Variants in FBXO4 observed in about 807,000 individuals in gnomAD.
FBXO4 encodes F-box protein 4, also known as F-box only protein 4.
Under a neutral mutation model 43.7 loss-of-function variants are expected in FBXO4, and 36 were observed. That is an observed-to-expected ratio of 0.82 (90% confidence interval 0.63 to 1.09). FBXO4 has a LOEUF of 1.09. Among genes scored for constraint, FBXO4 ranks in the 50% least tolerant of loss-of-function variants. The pLI is 0.00. For missense variants in FBXO4, 435 were observed against 474.1 expected, an observed-to-expected ratio of 0.92 and a Z score of 0.77; for synonymous variants, 180 against 165.6, an observed-to-expected ratio of 1.09 and a Z score of -0.67.
At chr5:41,976,450 T>C in the FBXO4 span, among the ~76,000 whole-genome samples, 2 of 152,200 alleles carry the variant, frequency 1.3e-5, no homozygotes, top group Non-Finnish European at 2.9e-5. Flanking sequence ...GATGGTATTA[T>C]AGGCATTGGG....
At chr5:41,965,000 G>T in the FBXO4 span, among the ~76,000 whole-genome samples, 1 of 152,036 alleles carries the variant, frequency 6.6e-6, no homozygotes, top group African/African-American at 2.4e-5. Context: ...TTTCTTCTAG[G>T]GTTTTTATGG....
chr5:42,010,952 G>A, the FBXO4 span, among the ~76,000 whole-genome samples: 49 of 151,896 alleles, frequency 3.2e-4, no homozygotes, highest in Non-Finnish European at 5.3e-4. Context: ...AGGTATATAC[G>A]TGCCATGGTG....
At chr5:41,948,950 CA>C in the FBXO4 span, among the ~76,000 whole-genome samples, 39 of 151,506 alleles carry the variant, frequency 2.6e-4, no homozygotes, top group African/African-American at 9.2e-4. Context: ...TAAACAGAAC[CA>C]ATGACAAAAA....
chr5:41,978,188 C>T, the FBXO4 span, among the ~76,000 whole-genome samples: 43 of 152,160 alleles, frequency 2.8e-4, 1 homozygote, highest in African/African-American at 8.9e-4. Context: ...ACAACCACAC[C>T]TCTTTTGAAC....
chr5:42,036,227 AT>A, the FBXO4 span, among the ~76,000 whole-genome samples: 494 of 146,936 alleles, frequency 3.4e-3, 1 homozygote, highest in African/African-American at 1.0e-2. Flanking sequence ...TCTTCTCTTC[AT>A]TTTTTTTTTT....
chr5:42,039,836 A>G, the FBXO4 span, among the ~76,000 whole-genome samples: 4 of 152,208 alleles, frequency 2.6e-5, no homozygotes, highest in South Asian at 8.3e-4. Context: ...TAATCAGGTG[A>G]CTCATTTAAA....
chr5:42,003,796 C>T, the FBXO4 span, among the ~76,000 whole-genome samples: 1 of 151,720 alleles, frequency 6.6e-6, no homozygotes, highest in Admixed American at 6.6e-5. Context: ...GCTAGTTCAA[C>T]CATTGTGGAA....
the FBXO4 span, among the ~76,000 whole-genome samples, chr5:41,959,929 A>T: frequency 2.6e-5 from 4 of 151,982 alleles, no homozygotes; most frequent in South Asian, 8.3e-4. Flanking sequence ...GATTTTTTTG[A>T]ATGTGTAGAT....
At chr5:41,966,565 C>G in the FBXO4 span, among the ~76,000 whole-genome samples, 2 of 152,272 alleles carry the variant, frequency 1.3e-5, no homozygotes, top group Non-Finnish European at 2.9e-5. Context: ...GACTAAACCT[C>G]AAAAAGACAA....
chr5:41,983,739 T>C, the FBXO4 span, among the ~76,000 whole-genome samples: 44 of 152,236 alleles, frequency 2.9e-4, no homozygotes, highest in East Asian at 8.3e-3. Context: ...TCTTTGATTC[T>C]TTTGTTAATA....
the FBXO4 span, chr5:41,951,310 A>C: frequency 5.3e-6 from 1 of 190,096 alleles, no homozygotes; most frequent in African/African-American, 2.4e-5. Context: ...AACAGCTTTA[A>C]CACTATTCAG....
the FBXO4 span, among the ~76,000 whole-genome samples, chr5:42,010,866 C>T: frequency 6.6e-6 from 1 of 151,970 alleles, no homozygotes; most frequent in African/African-American, 2.4e-5. Context: ...TTATTTTCTG[C>T]TCTTTCTTTT....
At chr5:41,980,174 C>T in the FBXO4 span, among the ~76,000 whole-genome samples, 3 of 151,748 alleles carry the variant, frequency 2.0e-5, no homozygotes, top group East Asian at 1.9e-4. Flanking sequence ...AAAGCTTTGG[C>T]GGGTATGTGT....
chr5:41,955,410 A>G, the FBXO4 span, among the ~76,000 whole-genome samples: 5 of 152,334 alleles, frequency 3.3e-5, no homozygotes, highest in East Asian at 9.6e-4. Context: ...ACACATAAAC[A>G]ACAAAAAAAT....
At chr5:41,977,798 C>G in the FBXO4 span, among the ~76,000 whole-genome samples, 2 of 152,140 alleles carry the variant, frequency 1.3e-5, no homozygotes, top group African/African-American at 2.4e-5. Flanking sequence ...CTAAAATATT[C>G]CAAACTTTTC....
Position 41,934,186 on chromosome 5 carries a change from T to A in FBXO4, c.776T>A (p.Phe259Tyr), listed in dbSNP as rs1322352739. The stretch of plus-strand genomic sequence containing the variant: ...CATACAAGTGCAGTTAACAAGATGT[T>A]CAGTCGACACAATGAAGGTGATGAT... ...EEHTSAVNKM[F>Y]SRHNEGDDQQ... Residue 259 changes from phenylalanine (F) to tyrosine (Y), a missense_variant, in exon 5 of 7, where the codon TTC becomes TAC. Physicochemically the swap from Phe to Tyr is conservative, Grantham distance 22 (BLOSUM62 3). Transcript: ENST00000281623. The A allele has an allele frequency of 6.2e-7, 1 of 1,613,990 alleles. No homozygotes were observed. The highest frequency in any genetic ancestry group is 8.5e-7 in the Non-Finnish European group (1 of 1,179,998).
chr5:42,031,206 C>G, the FBXO4 span, among the ~76,000 whole-genome samples: 24 of 152,052 alleles, frequency 1.6e-4, no homozygotes, highest in African/African-American at 5.8e-4. Flanking sequence ...TTGGAACCAA[C>G]CTAAATTTCC....
chr5:41,956,916 TG>T, the FBXO4 span, among the ~76,000 whole-genome samples: 2 of 151,922 alleles, frequency 1.3e-5, no homozygotes, highest in Non-Finnish European at 2.9e-5. Context: ...TTCACCATGT[TG>T]GCCAGGCTGG....
chr5:41,967,041 T>C, the FBXO4 span: 5 of 267,914 alleles, frequency 1.9e-5, no homozygotes, highest in Non-Finnish European at 3.6e-5. Context: ...TTAAACCATT[T>C]CAGTGGAAAA....
Sources: allele counts gnomAD v4.1 joint callset (sites outside exome capture counted in the v4.1 genomes callset), GRCh38; gene constraint gnomAD v4.1.1; transcripts MANE v1.5; gene names NCBI Gene and HGNC (gene_info 2026-07-23, HGNC 2026-07-21).